Variants in IMMP2L observed in about 807,000 individuals in gnomAD.
IMMP2L encodes the protein mitochondrial inner membrane protease subunit 2.
IMMP2L carries 18 observed loss-of-function variants against 19.3 expected under a neutral mutation model. That is an observed-to-expected ratio of 0.93 (90% CI 0.64 to 1.38). The LOEUF (loss-of-function observed/expected upper bound fraction) is 1.38. IMMP2L is among the 40% of genes most tolerant of loss of function. The pLI is 0.00. For synonymous variants in IMMP2L, 76 were observed against 73.0 expected (o/e 1.04, Z -0.21); for missense variants, 233 against 218.2 (o/e 1.07, Z -0.43).
At chr7:111,351,621 T>C (rs942301913) in intron 3 of IMMP2L, among the ~76,000 whole-genome samples, 1 of 152,180 alleles carries the variant, frequency 6.6e-6, no homozygotes, top group South Asian at 2.1e-4. Context: ...CTTTCTGACA[T>C]ATGTAAATTT....
intron 3 of IMMP2L, among the ~76,000 whole-genome samples, chr7:111,348,634 G>A (rs1388266004): frequency 1.3e-5 from 2 of 152,104 alleles, no homozygotes; most frequent in Non-Finnish European, 2.9e-5. Flanking sequence ...CTACGAATAA[G>A]ATCATTGCTT....
At chr7:111,414,928 T>C (rs1303892904) in intron 3 of IMMP2L, among the ~76,000 whole-genome samples, 1 of 151,826 alleles carries the variant, frequency 6.6e-6, no homozygotes, top group Non-Finnish European at 1.5e-5. Context: ...ACTCTGAAGA[T>C]TCCCTTCCCC....
chr7:110,846,058 T>C (rs1172243798), intron 5 of IMMP2L, among the ~76,000 whole-genome samples: 3 of 152,204 alleles, frequency 2.0e-5, no homozygotes, highest in Non-Finnish European at 4.4e-5. Flanking sequence ...TTTGTTATAG[T>C]AGCCCAAATG....
chr7:111,336,538 C>G (rs916397132), intron 3 of IMMP2L, among the ~76,000 whole-genome samples: 9 of 152,006 alleles, frequency 5.9e-5, no homozygotes, highest in Admixed American at 5.9e-4. Flanking sequence ...AAAATTATCT[C>G]TAACAGTAAA....
intron 3 of IMMP2L, among the ~76,000 whole-genome samples, chr7:111,326,055 T>C (rs936923023): frequency 2.6e-5 from 4 of 151,816 alleles, no homozygotes; most frequent in East Asian, 1.9e-4. Context: ...CAGTATTTTT[T>C]TATGGTTAGA....
chr7:110,742,874 C>T (rs1322949436), intron 5 of IMMP2L, among the ~76,000 whole-genome samples: 1 of 152,058 alleles, frequency 6.6e-6, no homozygotes, highest in Non-Finnish European at 1.5e-5. Context: ...AGTCACATAT[C>T]TCCTTACAAA....
At position 111,318,345 on chromosome 7, in the gene IMMP2L, C is replaced by G. The variant is rs115490018; in HGVS notation, c.239+168893G>C. 3.4e-3 allele frequency among the ~76,000 whole-genome samples: 512 copies of G among 152,186 alleles called. 4 individuals carry two copies. The highest frequency in any genetic ancestry group is 0.012 in the African/African-American group (489 of 41,540). On this transcript the variant is annotated intron_variant, in intron 3 of 5. Coordinates refer to ENST00000405709, the MANE Select transcript of IMMP2L (RefSeq NM_032549.4). Reference sequence around the variant, plus strand: ...TACAAAGAACAGAAAAGGGGTTGAGCACACAAACAATTCAAGAGTTCAAGG... The same window carrying G: ...TACAAAGAACAGAAAAGGGGTTGAGGACACAAACAATTCAAGAGTTCAAGG...
Position 111,561,690 on chromosome 7 carries a change from G to C in IMMP2L, c.-3+161C>G, listed in dbSNP as rs1398689578. ...GAGGCTGAAAACAGTCCGGGGCCTG[G>C]AGCCTGTGACTTTGAAGGTGGGTCC... On this transcript the variant is annotated intron_variant, in intron 1 of 5. Coordinates refer to ENST00000405709, the MANE Select transcript of IMMP2L (RefSeq NM_032549.4). Among the ~76,000 whole-genome samples the C allele has an allele frequency of 3.9e-5, 6 of 152,192 alleles. No homozygotes were observed. The East Asian group carries it at 1.2e-3, about 29-fold the overall frequency.
chr7:111,324,399 TAGAG>T (rs1338433275), intron 3 of IMMP2L, among the ~76,000 whole-genome samples: 1 of 151,828 alleles, frequency 6.6e-6, no homozygotes, highest in Admixed American at 6.6e-5. Context: ...CTGACCATAA[TAGAG>T]AGAGAATGCA....
chr7:111,297,561 G>A (rs754153683), intron 3 of IMMP2L, among the ~76,000 whole-genome samples: 6 of 151,968 alleles, frequency 3.9e-5, no homozygotes, highest in Non-Finnish European at 7.4e-5. Flanking sequence ...CCATTCCTAC[G>A]TATTTACCAA....
At chr7:110,730,975 A>T (rs868607029) in intron 5 of IMMP2L, among the ~76,000 whole-genome samples, 2 of 152,194 alleles carry the variant, frequency 1.3e-5, no homozygotes, top group South Asian at 4.1e-4. Context: ...GACTAATATG[A>T]GTATATACAA....
intron 5 of IMMP2L, among the ~76,000 whole-genome samples, chr7:110,683,107 T>G (rs977475395): frequency 1.3e-5 from 2 of 152,108 alleles, no homozygotes; most frequent in Non-Finnish European, 2.9e-5. Flanking sequence ...TGCAGCTATT[T>G]GGGTTTTTTT....
intron 3 of IMMP2L, among the ~76,000 whole-genome samples, chr7:111,382,623 C>T (rs534367337): frequency 1.3e-5 from 2 of 152,060 alleles, no homozygotes; most frequent in Admixed American, 6.6e-5. Context: ...TGTTCAAAAG[C>T]TCAGAAAAGC....
chr7:111,358,554 G>A (rs527545893), intron 3 of IMMP2L, among the ~76,000 whole-genome samples: 40 of 152,066 alleles, frequency 2.6e-4, no homozygotes, highest in African/African-American at 9.4e-4. Context: ...TCCACACCAG[G>A]CAGCAAAGCA....
chr7:111,310,492 C>T (rs1777883776), intron 3 of IMMP2L, among the ~76,000 whole-genome samples: 1 of 151,942 alleles, frequency 6.6e-6, no homozygotes, highest in African/African-American at 2.4e-5. Context: ...AGCAATCATC[C>T]TAAATTAAGC....
At chr7:111,348,278 AAAGTAT>A (rs749960231) in intron 3 of IMMP2L, among the ~76,000 whole-genome samples, 4 of 152,074 alleles carry the variant, frequency 2.6e-5, no homozygotes, top group Non-Finnish European at 4.4e-5. Context: ...CCTAGAACTT[AAAGTAT>A]AATAAAAAAA....
chr7:110,842,048 G>C (rs1475728989), intron 5 of IMMP2L, among the ~76,000 whole-genome samples: 1 of 152,082 alleles, frequency 6.6e-6, no homozygotes, highest in African/African-American at 2.4e-5. Flanking sequence ...ACTGTAAAAT[G>C]GGGCAGAAAC....
intron 3 of IMMP2L, among the ~76,000 whole-genome samples, chr7:111,281,224 GAAA>G (rs1393784690): frequency 2.3e-5 from 2 of 87,280 alleles, no homozygotes; most frequent in Non-Finnish European, 4.6e-5. Context: ...GAAAAAGAAA[GAAA>G]GAAAGAAAGA....
At chr7:111,329,342 CCAAACTT>C (rs1825646687) in intron 3 of IMMP2L, among the ~76,000 whole-genome samples, 1 of 151,776 alleles carries the variant, frequency 6.6e-6, no homozygotes, top group Admixed American at 6.6e-5. Flanking sequence ...CAAGGAAACT[CCAAACTT>C]CAAAGTACTT....
Sources: gnomAD v4.1 joint callset for allele counts (sites outside exome capture counted in the v4.1 genomes callset) on GRCh38, gnomAD v4.1.1 for gene constraint, MANE v1.5 for transcripts, NCBI Gene and HGNC (gene_info 2026-07-23, HGNC 2026-07-21) for gene names.